PC: variants seen among roughly 807,000 people sequenced by gnomAD.
PC encodes the protein pyruvate carboxylase.
Under a neutral mutation model 107.8 loss-of-function variants are expected in PC, and 46 were observed. That is an observed-to-expected ratio of 0.43 (90% CI 0.34 to 0.55). The LOEUF (loss-of-function observed/expected upper bound fraction) is 0.55, where lower values mean the gene tolerates loss of function less well. PC is among the 20% of genes least tolerant of loss of function. PC has a pLI of 0.04. For missense variants in PC, 1,241 were observed against 1,643.1 expected, an observed-to-expected ratio of 0.76 and a Z score of 4.23; for synonymous variants, 662 against 684.7, an observed-to-expected ratio of 0.97 and a Z score of 0.52.
chr11:66,899,167 G>C (rs1401170739), intron 3 of PC, among the ~76,000 whole-genome samples: 3 of 152,172 alleles, frequency 2.0e-5, no homozygotes, highest in African/African-American at 7.2e-5. Context: ...ACCGTGCCCA[G>C]CCAATTCTGG....
At position 66,852,069 on chromosome 11, in the gene PC, A is replaced by AC. The variant is rs1193294330; in HGVS notation, c.1826-124dup. On this transcript the variant is annotated intron_variant, in intron 15 of 22. Transcript: ENST00000393960. The surrounding 1 kb of genome is among the most constrained non-coding windows in gnomAD (Gnocchi z 4.7). The stretch of plus-strand genomic sequence containing the variant: ...ACCAGGTCCTGCTCATCTTCGCCAT[A>AC]CCTGTGTTCCCTGCTCCAACCCCCA... 9.9e-7 allele frequency: 1 copy of AC among 1,009,964 alleles called. No individual in the cohort carries two copies. Among genetic ancestry groups the AC allele is most frequent in the Non-Finnish European group, 1.5e-6 (1 of 667,336 alleles). The allele number at this position is 1,009,964 out of a possible 1,614,324, so 62.6% of individuals were successfully genotyped here.
intron 3 of PC, among the ~76,000 whole-genome samples, chr11:66,920,745 A>G (rs1179385880): frequency 3.3e-5 from 5 of 152,208 alleles, no homozygotes; most frequent in East Asian, 1.9e-4. Context: ...TGTTCAGGAC[A>G]TGGAAATACA....
At chr11:66,855,417 C>T (rs529965238) in intron 12 of PC, among the ~76,000 whole-genome samples, 1 of 152,268 alleles carries the variant, frequency 6.6e-6, no homozygotes, top group African/African-American at 2.4e-5. Context: ...CTGGTTAATG[C>T]GATTCTCGTG....
chr11:66,866,453 T>C lies in PC; in HGVS notation c.1023-104A>G. The C allele has an allele frequency of 1.2e-6, 1 of 816,468 alleles. No homozygotes were observed. The allele number at this position is 816,468 out of a possible 1,614,324, so 50.6% of individuals were successfully genotyped here. On this transcript the variant is annotated intron_variant, in intron 10 of 22. Coordinates refer to ENST00000393960, the MANE Select transcript of PC (RefSeq NM_001040716.2). The surrounding 1 kb of genome is among the most constrained non-coding windows in gnomAD (Gnocchi z 5.4). ...CAGCCAGTGGGGCGTCCACACACAG[T>C]GCGACTCCTGCCCATAGGCTCTGGG...
At chr11:66,883,560 G>A (rs80264022) in intron 3 of PC, among the ~76,000 whole-genome samples, 7,618 of 152,154 alleles carry the variant, frequency 0.05, 312 homozygotes, top group East Asian at 0.11. Flanking sequence ...TCTCCGTGGC[G>A]TCTGTGTCCT....
In PC at chr11:66,848,846, C is replaced by T; in HGVS notation, c.*53G>A. The T allele has an allele frequency of 1.9e-6, 3 of 1,611,922 alleles. No individual in the cohort carries two copies. The highest frequency in any genetic ancestry group is 2.2e-5 in the East Asian group (1 of 44,864). On this transcript the variant is annotated 3_prime_UTR_variant, in exon 23 of 23. Coordinates refer to ENST00000393960, the MANE Select transcript of PC (RefSeq NM_001040716.2). ...GGCTGGCCTGGGCCTGCCGTGGCAG[C>T]ACAGCTTCTGTTGAAGGCTTGGGGA...
rs140749983 is a variant in PC at position 66,881,355 on chromosome 11, T to C, written c.1-9196A>G. ...GTAAATAACTCCTTGCAAGCAAGAA[T>C]GAGCCACAGTGAAGCCAGTAGTGTG... On this transcript the variant is annotated intron_variant, in intron 3 of 22. Coordinates refer to ENST00000393960, the MANE Select transcript of PC (RefSeq NM_001040716.2). Among the ~76,000 whole-genome samples the C allele has an allele frequency of 7.5e-4, 115 of 152,388 alleles. 2 individuals carry two copies. The highest frequency in any genetic ancestry group is 2.6e-3 in the African/African-American group (109 of 41,602).
chr11:66,938,716 A>AT (rs1419552210), intron 3 of PC, among the ~76,000 whole-genome samples: 6 of 152,166 alleles, frequency 3.9e-5, no homozygotes, highest in Non-Finnish European at 7.3e-5. Flanking sequence ...TATAATATAT[A>AT]TTTTTTGTGT....
intron 12 of PC, chr11:66,860,272 G>A (rs1315882186): frequency 1.7e-5 from 26 of 1,525,526 alleles, no homozygotes; most frequent in Non-Finnish European, 2.3e-5. Context: ...CCTGGCCTGG[G>A]AGTCCCTCCC....
chr11:66,950,076 A>AT lies in PC; in HGVS notation c.-1+2353dup, dbSNP rs1403253511. 2.6e-5 allele frequency among the ~76,000 whole-genome samples: 4 copies of AT among 152,336 alleles called. No homozygotes were observed. The East Asian group carries it at 7.7e-4, about 29-fold the overall frequency. On this transcript the variant is annotated intron_variant, in intron 3 of 22. Transcript: ENST00000393960. ...ATGATTTAATATTAATACATTTCAC[A>AT]TTGATACACAGCATGTACATGAGAA...
chr11:66,889,341 G>A (rs920852055), intron 3 of PC, among the ~76,000 whole-genome samples: 2 of 151,924 alleles, frequency 1.3e-5, no homozygotes, highest in African/African-American at 4.8e-5. Context: ...ATGAGCCTCA[G>A]GGTACAATCT....
chr11:66,954,943 C>T (rs1591325551), intron 1 of PC, among the ~76,000 whole-genome samples: 1 of 135,812 alleles, frequency 7.4e-6, no homozygotes, highest in Non-Finnish European at 1.6e-5. Flanking sequence ...ACTCCGTCTC[C>T]AAAAAAAAAA....
chr11:66,865,734 G>A lies in PC; in HGVS notation c.1185+453C>T, dbSNP rs531566638. On this transcript the variant is annotated intron_variant, in intron 11 of 22. Transcript: ENST00000393960. ...CGACTCCCTCCCCCATCCTTGATGG[G>A]CCCCTGAGCTTGGCTCAGACTCCAT... Among the ~76,000 whole-genome samples, 3 of 152,154 alleles carry A rather than the reference G, an allele frequency of 2.0e-5. No homozygotes were observed. In the South Asian group the frequency reaches 6.2e-4, roughly 32 times the overall value.
At chr11:66,938,532 C>A (rs1446096909) in intron 3 of PC, among the ~76,000 whole-genome samples, 1 of 151,914 alleles carries the variant, frequency 6.6e-6, no homozygotes, top group Non-Finnish European at 1.5e-5. Context: ...TGAATTGCAC[C>A]CTTCTCTAAT....
At chr11:66,929,259 CGCTGTGGT>C (rs1179696650) in intron 3 of PC, among the ~76,000 whole-genome samples, 1 of 152,172 alleles carries the variant, frequency 6.6e-6, no homozygotes, top group Admixed American at 6.5e-5. Flanking sequence ...TCTGTCTCAT[CGCTGTGGT>C]GCTGGCAGCC....
At chr11:66,853,564 T>G (rs991873316) in intron 12 of PC, among the ~76,000 whole-genome samples, 181 bp from the exon 13 acceptor site, 1 of 152,164 alleles carries the variant, frequency 6.6e-6, no homozygotes, top group Non-Finnish European at 1.5e-5. Flanking sequence ...CAGAGCCCCC[T>G]AAGCTGTCAC....
intron 3 of PC, among the ~76,000 whole-genome samples, chr11:66,941,545 G>A (rs867813816): frequency 6.6e-6 from 1 of 152,120 alleles, no homozygotes; most frequent in Admixed American, 6.6e-5. Context: ...AGGCTGGAGT[G>A]CAGTGGCGCC....
In PC at chr11:66,858,417, G is replaced by T; in HGVS notation, c.1369-5034C>A. ...TGGGCGTGATGCAGAGGCCTCTCCC[G>T]CCCCCCTGGTGCTGAGCTTTAGCGG... On this transcript the variant is annotated intron_variant, in intron 12 of 22. Transcript: ENST00000393960. The surrounding 1 kb of genome is among the most constrained non-coding windows in gnomAD (Gnocchi z 5.9). The T allele has an allele frequency of 6.4e-7, 1 of 1,555,014 alleles. No individual in the cohort carries two copies. Among genetic ancestry groups the T allele is most frequent in the African/African-American group, 1.4e-5 (1 of 73,872 alleles).
chr11:66,935,044 C>T (rs117170434), intron 3 of PC, among the ~76,000 whole-genome samples: 99 of 152,348 alleles, frequency 6.5e-4, no homozygotes, highest in Non-Finnish European at 1.2e-3. Flanking sequence ...CTCCCAACCA[C>T]GGATAAACAA....
Sources: gnomAD v4.1 joint callset for allele counts (sites outside exome capture counted in the v4.1 genomes callset) on GRCh38, gnomAD v4.1.1 for gene constraint, Gnocchi (gnomAD v3.1) non-coding constraint, MANE v1.5 for transcripts, NCBI Gene and HGNC (gene_info 2026-07-23, HGNC 2026-07-21) for gene names.